The following GRID1 variants were observed in gnomAD, a reference collection of about 807,000 sequenced individuals.
GRID1 encodes glutamate receptor ionotropic, delta-1.
GRID1 carries 28 observed loss-of-function variants against 98.0 expected under a neutral mutation model. That is an observed-to-expected ratio of 0.29 (90% CI 0.21 to 0.39). GRID1 has a LOEUF of 0.39. Ranked by LOEUF, GRID1 falls within the 10% of genes least tolerant of loss-of-function variation. The pLI is 1.00. For synonymous variants in GRID1, 553 were observed against 538.5 expected (o/e 1.03, Z -0.37); for missense variants, 1,111 against 1,340.5 (o/e 0.83, Z 2.67).
chr10:85,901,072 G>A (rs1589292544), intron 5 of GRID1, among the ~76,000 whole-genome samples: 1 of 152,116 alleles, frequency 6.6e-6, no homozygotes, highest in African/African-American at 2.4e-5. Flanking sequence ...TAAATGCTGC[G>A]ACGCGGATTC....
chr10:85,934,020 G>C (rs550459103), intron 4 of GRID1, among the ~76,000 whole-genome samples: 124 of 152,294 alleles, frequency 8.1e-4, no homozygotes, highest in African/African-American at 2.8e-3. Flanking sequence ...CCTGTCCTCA[G>C]TGAGGGTGAA....
At chr10:85,675,848 T>C (rs979487933) in intron 12 of GRID1, among the ~76,000 whole-genome samples, 1 of 152,276 alleles carries the variant, frequency 6.6e-6, no homozygotes, top group South Asian at 2.1e-4. Flanking sequence ...GGCAAAGTCA[T>C]AGGGCAGGGG....
intron 4 of GRID1, among the ~76,000 whole-genome samples, chr10:85,969,483 A>G (rs1403525369): frequency 6.6e-6 from 1 of 152,186 alleles, no homozygotes; most frequent in African/African-American, 2.4e-5. Flanking sequence ...TTAAAATCAC[A>G]CAAAGTATGT....
At chr10:86,105,395 C>A (rs1480852689) in intron 4 of GRID1, among the ~76,000 whole-genome samples, 1 of 152,184 alleles carries the variant, frequency 6.6e-6, no homozygotes, top group African/African-American at 2.4e-5. Context: ...CGGTCAGAAG[C>A]ATGGTCTGTC....
intron 12 of GRID1, among the ~76,000 whole-genome samples, chr10:85,694,430 G>A (rs1164474302): frequency 2.6e-5 from 4 of 151,096 alleles, no homozygotes; most frequent in Non-Finnish European, 4.4e-5. Flanking sequence ...TCTAACCAAC[G>A]GAAAACAAAT....
intron 12 of GRID1, among the ~76,000 whole-genome samples, chr10:85,697,988 C>T (rs1275075154): frequency 6.6e-6 from 1 of 152,050 alleles, no homozygotes; most frequent in African/African-American, 2.4e-5. Flanking sequence ...TTCAGATTGT[C>T]TATGTCCGAA....
intron 2 of GRID1, among the ~76,000 whole-genome samples, chr10:86,285,053 G>A (rs1847410181): frequency 6.6e-6 from 1 of 152,146 alleles, no homozygotes; most frequent in Admixed American, 6.5e-5. Context: ...CCACAGTGAG[G>A]CAGTCAAGAA....
chr10:85,762,908 G>C (rs114552440), intron 8 of GRID1, among the ~76,000 whole-genome samples: 1 of 152,082 alleles, frequency 6.6e-6, no homozygotes, highest in South Asian at 2.1e-4. Flanking sequence ...GTAGCCTCAG[G>C]GTTAAAACCT....
At chr10:85,780,689 G>A (rs1361770415) in intron 8 of GRID1, among the ~76,000 whole-genome samples, 2 of 151,918 alleles carry the variant, frequency 1.3e-5, no homozygotes, top group African/African-American at 4.8e-5. Context: ...CCTGGAGGCA[G>A]ATAGTACAGG....
At chr10:86,340,273 CAAA>C (rs1848291801) in intron 2 of GRID1, among the ~76,000 whole-genome samples, 1 of 152,180 alleles carries the variant, frequency 6.6e-6, no homozygotes, top group Admixed American at 6.5e-5. Context: ...CCCGAACCAC[CAAA>C]AAGTCAGTCA....
chr10:86,199,347 T>C (rs1015308292), intron 3 of GRID1, among the ~76,000 whole-genome samples: 8 of 152,256 alleles, frequency 5.3e-5, no homozygotes, highest in African/African-American at 1.9e-4. Context: ...CATAATATAT[T>C]TAACCAATTT....
chr10:85,890,502 A>G (rs1311784271), intron 5 of GRID1, among the ~76,000 whole-genome samples: 2 of 152,200 alleles, frequency 1.3e-5, no homozygotes, highest in Non-Finnish European at 2.9e-5. Context: ...TAAAATTCAT[A>G]AGGATCTTTT....
chr10:85,694,550 G>GTATATATATA (rs56344083), intron 12 of GRID1, among the ~76,000 whole-genome samples: 12 of 92,838 alleles, frequency 1.3e-4, no homozygotes, highest in South Asian at 3.6e-4. Flanking sequence ...AATGTGGTGT[G>GTATATATATA]TATATATATA....
chr10:86,362,973 G>T (rs1183113494), intron 2 of GRID1, among the ~76,000 whole-genome samples: 1 of 152,280 alleles, frequency 6.6e-6, no homozygotes, highest in Admixed American at 6.5e-5. Context: ...GAGGGGCGCT[G>T]GCCCCAGAGT....
At chr10:86,338,932 C>T (rs1848270094) in intron 2 of GRID1, among the ~76,000 whole-genome samples, 1 of 152,106 alleles carries the variant, frequency 6.6e-6, no homozygotes, top group Non-Finnish European at 1.5e-5. Context: ...CTATGTTTAT[C>T]CCCATTTTAT....
intron 4 of GRID1, among the ~76,000 whole-genome samples, chr10:85,953,468 A>C (rs1159119245): frequency 1.3e-5 from 2 of 152,144 alleles, no homozygotes; most frequent in Non-Finnish European, 2.9e-5. Flanking sequence ...GTTATATGTA[A>C]ATTTTTGACT....
intron 4 of GRID1, among the ~76,000 whole-genome samples, chr10:85,989,160 G>A (rs979611851): frequency 4.6e-5 from 7 of 152,156 alleles, no homozygotes; most frequent in African/African-American, 9.7e-5. Flanking sequence ...ACAGTGGCTT[G>A]GCCAGTGAGA....
chr10:85,805,861 T>C (rs1012842498), intron 8 of GRID1, among the ~76,000 whole-genome samples: 2 of 151,488 alleles, frequency 1.3e-5, no homozygotes, highest in Admixed American at 1.3e-4. Flanking sequence ...AAGTAAAACA[T>C]AAAACTATAA....
rs79111287 is a variant in GRID1, at chr10:85,674,426, C to T, written c.1998-27029G>A. ...CTCAAAGTTCAAGACAGAAAAATTACAACAGTCTTATTTGAGAGATTAATG... is the reference window on the plus strand; with the variant it reads ...CTCAAAGTTCAAGACAGAAAAATTATAACAGTCTTATTTGAGAGATTAATG... On this transcript the variant is annotated intron_variant, in intron 12 of 15. Coordinates refer to ENST00000327946, the MANE Select transcript of GRID1 (RefSeq NM_017551.3). Among the ~76,000 whole-genome samples the T allele has an allele frequency of 0.011, 1,730 of 152,296 alleles. 119 individuals are homozygous for T. In the East Asian group the frequency reaches 0.19, roughly 17 times the overall value.
Sources: gnomAD v4.1 joint callset for allele counts (sites outside exome capture counted in the v4.1 genomes callset) on GRCh38, gnomAD v4.1.1 for gene constraint, MANE v1.5 for transcripts, NCBI Gene and HGNC (gene_info 2026-07-23, HGNC 2026-07-21) for gene names.